ATRNL1: variants seen among roughly 807,000 people sequenced by gnomAD.
ATRNL1 encodes attractin-like protein 1.
In ATRNL1, 95 loss-of-function variants were observed where a neutral mutation model predicts 182.7. That is an observed-to-expected ratio of 0.52 (90% CI 0.44 to 0.62). The LOEUF (loss-of-function observed/expected upper bound fraction) is 0.62, where lower values mean the gene tolerates loss of function less well. Ranked by LOEUF, ATRNL1 falls within the 20% of genes least tolerant of loss-of-function variation. ATRNL1 has a pLI of 0.00. For missense variants in ATRNL1, 1,471 were observed against 1,679.5 expected, an observed-to-expected ratio of 0.88 and a Z score of 2.17; for synonymous variants, 576 against 568.3, an observed-to-expected ratio of 1.01 and a Z score of -0.19.
chr10:115,734,086 T>C lies in ATRNL1; in HGVS notation c.3903+6731T>C, dbSNP rs948135741. ...ATTTTAATTATTTTGTGGTATATCA[T>C]CATTTATTTGCCTATTCTGTTTTCA... is the stretch of plus-strand genomic sequence containing the variant. On this transcript the variant is annotated intron_variant, in intron 27 of 28. Transcript: ENST00000355044. Among the ~76,000 whole-genome samples, 4 of 152,274 alleles carry C rather than the reference T, an allele frequency of 2.6e-5. No homozygotes were observed. The East Asian group carries it at 7.7e-4, about 29-fold the overall frequency.
chr10:115,148,559 T>TA (rs1846068959), intron 5 of ATRNL1, among the ~76,000 whole-genome samples: 1 of 152,108 alleles, frequency 6.6e-6, no homozygotes, highest in African/African-American at 2.4e-5. Context: ...CATTTGGTAT[T>TA]GAAGTGGCAT....
At chr10:115,126,212 C>T (rs1053243061) in intron 3 of ATRNL1, among the ~76,000 whole-genome samples, 2 of 152,136 alleles carry the variant, frequency 1.3e-5, no homozygotes, top group Non-Finnish European at 2.9e-5. Flanking sequence ...CATGCACCAC[C>T]GTGCCCACCT....
chr10:115,509,982 T>C (rs1408511347), intron 24 of ATRNL1, among the ~76,000 whole-genome samples: 5 of 151,982 alleles, frequency 3.3e-5, no homozygotes, highest in African/African-American at 1.2e-4. Context: ...CCCACCCTCA[T>C]AGATGACTTT....
At chr10:115,823,864 G>A (rs2907566) in intron 27 of ATRNL1, among the ~76,000 whole-genome samples, 111,687 of 152,076 alleles carry the variant, frequency 0.73, 41,081 homozygotes, top group Admixed American at 0.8. Flanking sequence ...AAAGTAATTT[G>A]TAGATTCAAT....
At chr10:115,504,964 T>C (rs1210284025) in intron 24 of ATRNL1, among the ~76,000 whole-genome samples, 1 of 152,092 alleles carries the variant, frequency 6.6e-6, no homozygotes, top group Non-Finnish European at 1.5e-5. Context: ...CTTAATAACA[T>C]GTTTTATAAC....
chr10:115,134,142 A>G (rs1489868769), intron 5 of ATRNL1, among the ~76,000 whole-genome samples: 1 of 152,196 alleles, frequency 6.6e-6, no homozygotes, highest in Non-Finnish European at 1.5e-5. Flanking sequence ...GAGAAGCAAG[A>G]GCAAAAACAT....
At chr10:115,832,187 A>C (rs1362686526) in intron 27 of ATRNL1, among the ~76,000 whole-genome samples, 1 of 152,230 alleles carries the variant, frequency 6.6e-6, no homozygotes, top group Non-Finnish European at 1.5e-5. Context: ...TTTTCAAATT[A>C]AAACTGTAGT....
chr10:115,141,865 A>G (rs1845765635), intron 5 of ATRNL1, among the ~76,000 whole-genome samples: 1 of 152,202 alleles, frequency 6.6e-6, no homozygotes, highest in Admixed American at 6.5e-5. Flanking sequence ...TTTTACTCTT[A>G]ACCTACTAAG....
At chr10:115,815,706 A>G (rs1950148980) in intron 27 of ATRNL1, among the ~76,000 whole-genome samples, 1 of 152,082 alleles carries the variant, frequency 6.6e-6, no homozygotes, top group South Asian at 2.1e-4. Context: ...ACAAAAGTAT[A>G]TGTATCCGTG....
At position 115,572,974 on chromosome 10, in the gene ATRNL1, G is replaced by T. The variant is rs921398446; in HGVS notation, c.3795+23438G>T. 2.0e-5 allele frequency among the ~76,000 whole-genome samples: 3 copies of T among 152,160 alleles called. No individual in the cohort carries two copies. In the East Asian group the frequency reaches 5.8e-4, roughly 29 times the overall value. ...CAACTCCACTGTAGTGTCTAGGGGT[G>T]AGTGTCTGCAACCCCAGTTTTGCAA... On this transcript the variant is annotated intron_variant, in intron 26 of 28. Transcript: ENST00000355044.
At chr10:115,462,647 A>G (rs1228302418) in intron 22 of ATRNL1, among the ~76,000 whole-genome samples, 1 of 152,070 alleles carries the variant, frequency 6.6e-6, no homozygotes, top group Non-Finnish European at 1.5e-5. Context: ...ATGAATTCAA[A>G]GCATACTATA....
chr10:115,217,303 G>C (rs1592273905), intron 9 of ATRNL1, among the ~76,000 whole-genome samples: 1 of 152,084 alleles, frequency 6.6e-6, no homozygotes, highest in Admixed American at 6.6e-5. Flanking sequence ...GGTAAGCCTG[G>C]TCTTGAACTC....
chr10:115,571,257 C>G (rs1287808228), intron 26 of ATRNL1, among the ~76,000 whole-genome samples: 3 of 152,142 alleles, frequency 2.0e-5, no homozygotes, highest in Non-Finnish European at 2.9e-5. Flanking sequence ...AGGACCAGGT[C>G]AGACATAAAC....
intron 28 of ATRNL1, among the ~76,000 whole-genome samples, chr10:115,876,362 A>T (rs1159458915): frequency 6.6e-6 from 1 of 152,194 alleles, no homozygotes. Context: ...CCTGACAGAC[A>T]ATATATGCTC....
At chr10:115,264,693 GC>G (rs2133878487) in intron 10 of ATRNL1, among the ~76,000 whole-genome samples, 1 of 151,104 alleles carries the variant, frequency 6.6e-6, no homozygotes, top group Admixed American at 6.6e-5. Flanking sequence ...ATATAAAAAA[GC>G]TTTTTTGAGA....
At chr10:115,132,076 C>T (rs890288335) in intron 5 of ATRNL1, among the ~76,000 whole-genome samples, 1 of 143,598 alleles carries the variant, frequency 7.0e-6, no homozygotes, top group Middle Eastern at 3.6e-3. Flanking sequence ...TCTATCCCTC[C>T]CCCCTCCCCA....
intron 24 of ATRNL1, among the ~76,000 whole-genome samples, chr10:115,513,384 G>A (rs1554983135): frequency 6.6e-6 from 1 of 151,928 alleles, no homozygotes; most frequent in Non-Finnish European, 1.5e-5. Flanking sequence ...TATTTTTCAT[G>A]TTCTTTTTTC....
intron 24 of ATRNL1, among the ~76,000 whole-genome samples, chr10:115,492,746 C>A (rs1478860701): frequency 6.6e-6 from 1 of 150,504 alleles, no homozygotes; most frequent in Non-Finnish European, 1.5e-5. Context: ...CGGGTTCACA[C>A]CATTCTCCTG....
At chr10:115,220,354 A>C (rs991786576) in intron 9 of ATRNL1, 1 of 152,046 alleles carries the variant, frequency 6.6e-6, no homozygotes, top group African/African-American at 2.4e-5. Context: ...AAAACTCCAA[A>C]GGCTTGTTTT....
Sources: gnomAD v4.1 joint callset for allele counts (sites outside exome capture counted in the v4.1 genomes callset) on GRCh38, gnomAD v4.1.1 for gene constraint, MANE v1.5 for transcripts, NCBI Gene and HGNC (gene_info 2026-07-23, HGNC 2026-07-21) for gene names.